RANBP2: variants seen among roughly 807,000 people sequenced by gnomAD.
RANBP2 encodes E3 SUMO-protein ligase RanBP2.
Under a neutral mutation model 303.6 loss-of-function variants are expected in RANBP2, and 57 were observed. The ratio of observed to expected loss-of-function variants is 0.19; its 90% confidence interval spans 0.15 to 0.23. The LOEUF (loss-of-function observed/expected upper bound fraction) is 0.23. Among genes scored for constraint, RANBP2 ranks in the 10% least tolerant of loss-of-function variants. RANBP2 has a pLI of 1.00. For missense variants in RANBP2, 3,138 were observed against 3,780.8 expected (o/e 0.83, Z 4.46); for synonymous variants, 1,167 against 1,301.5 (o/e 0.90, Z 2.23).
chr2:109,156,537 CT>C, the RANBP2 span, among the ~76,000 whole-genome samples: 1 of 152,010 alleles, frequency 6.6e-6, no homozygotes, highest in Non-Finnish European at 1.5e-5. Context: ...CCTTTACCTC[CT>C]GAGTTCAAGC....
At chr2:109,528,642 A>G in the RANBP2 span, among the ~76,000 whole-genome samples, 3 of 152,214 alleles carry the variant, frequency 2.0e-5, no homozygotes, top group African/African-American at 7.2e-5. Context: ...AGCCCAGAGA[A>G]CAGGAGGAAA....
the RANBP2 span, among the ~76,000 whole-genome samples, chr2:109,117,315 T>TAC: frequency 6.6e-6 from 1 of 152,236 alleles, no homozygotes; most frequent in Non-Finnish European, 1.5e-5. Context: ...CTGCTTGGTT[T>TAC]ACCTAAGCAA....
At chr2:109,663,819 G>A in the RANBP2 span, among the ~76,000 whole-genome samples, 19 of 152,162 alleles carry the variant, frequency 1.2e-4, no homozygotes, top group African/African-American at 4.3e-4. Context: ...GAATCCACAC[G>A]CCAGCAAAGA....
the RANBP2 span, among the ~76,000 whole-genome samples, chr2:109,039,470 C>T: frequency 6.6e-6 from 1 of 152,334 alleles, no homozygotes; most frequent in East Asian, 1.9e-4. Context: ...CCTGGCTCGG[C>T]CTCCCGAGTA....
chr2:109,429,851 T>C, the RANBP2 span, among the ~76,000 whole-genome samples: 6 of 152,076 alleles, frequency 3.9e-5, no homozygotes, highest in East Asian at 1.2e-3. Context: ...GGTTCCATGC[T>C]CCCAGGCCAC....
At chr2:109,069,396 A>T in the RANBP2 span, among the ~76,000 whole-genome samples, 1 of 152,264 alleles carries the variant, frequency 6.6e-6, no homozygotes, top group Non-Finnish European at 1.5e-5. Flanking sequence ...ATGTTGGCAG[A>T]CGTGTGTCTT....
At chr2:109,605,078 G>T in the RANBP2 span, 1 of 152,122 alleles carries the variant, frequency 6.6e-6, no homozygotes, top group African/African-American at 2.4e-5. Context: ...ACAAATATAC[G>T]TGGCCCAGTG....
At chr2:109,649,542 C>T in the RANBP2 span, among the ~76,000 whole-genome samples, 15 of 152,100 alleles carry the variant, frequency 9.9e-5, no homozygotes, top group Admixed American at 2.0e-4. Context: ...GGATTACAGG[C>T]GTTCACCACC....
the RANBP2 span, among the ~76,000 whole-genome samples, chr2:109,272,705 G>T: frequency 6.6e-6 from 1 of 152,252 alleles, no homozygotes; most frequent in Non-Finnish European, 1.5e-5. Flanking sequence ...GCTGGGCTGT[G>T]TGTGGTCAGC....
At chr2:109,614,305 CG>C in the RANBP2 span, 8 of 553,720 alleles carry the variant, frequency 1.4e-5, no homozygotes, top group Admixed American at 1.4e-4. Context: ...GGCGGGGGTG[CG>C]GGGGGCGTGT....
At chr2:109,069,688 A>G in the RANBP2 span, among the ~76,000 whole-genome samples, 25 of 152,366 alleles carry the variant, frequency 1.6e-4, no homozygotes, top group African/African-American at 6.0e-4. Flanking sequence ...TTGATAACAG[A>G]TGAATGTAAA....
chr2:109,526,126 C>G, the RANBP2 span, among the ~76,000 whole-genome samples: 3 of 152,066 alleles, frequency 2.0e-5, no homozygotes, highest in Admixed American at 6.6e-5. Context: ...AGACTAAGTT[C>G]CTTATGTCTT....
chr2:109,629,203 A>AAAGTAAAT, the RANBP2 span, among the ~76,000 whole-genome samples: 1 of 118,416 alleles, frequency 8.4e-6, no homozygotes, highest in Non-Finnish European at 1.7e-5. Flanking sequence ...CTCCGTCTCA[A>AAAGTAAAT]AAATAAATAA....
the RANBP2 span, among the ~76,000 whole-genome samples, chr2:108,835,891 C>G: frequency 2.0e-5 from 3 of 152,194 alleles, no homozygotes; most frequent in Non-Finnish European, 4.4e-5. Flanking sequence ...TAGGGGCTTT[C>G]TTGCTGCATC....
the RANBP2 span, chr2:109,490,665 C>G: frequency 6.6e-7 from 1 of 1,515,364 alleles, no homozygotes; most frequent in Non-Finnish European, 8.8e-7. Context: ...GAAGAAGTCA[C>G]GCTCCCCGCC....
the RANBP2 span, among the ~76,000 whole-genome samples, chr2:109,249,470 T>TTTCG: frequency 1.2e-4 from 2 of 16,074 alleles, no homozygotes; most frequent in African/African-American, 1.1e-3. Context: ...TCTCTTTCTC[T>TTTCG]TTCTTTCTTT....
the RANBP2 span, among the ~76,000 whole-genome samples, chr2:109,112,415 G>A: frequency 1.3e-5 from 2 of 152,074 alleles, no homozygotes; most frequent in Admixed American, 6.5e-5. Flanking sequence ...GTGTTTTTTG[G>A]CTGCATAAAT....
the RANBP2 span, among the ~76,000 whole-genome samples, chr2:109,431,910 C>T: frequency 4.6e-5 from 7 of 152,234 alleles, no homozygotes; most frequent in Admixed American, 3.9e-4. Flanking sequence ...AGCACAATTA[C>T]TGCAAGGAAG....
chr2:108,963,578 CA>C, the RANBP2 span, among the ~76,000 whole-genome samples: 1 of 152,086 alleles, frequency 6.6e-6, no homozygotes, highest in Non-Finnish European at 1.5e-5. Context: ...CAGGTGTGGA[CA>C]GCAATATAGT....
Sources: gnomAD v4.1 joint callset for allele counts (sites outside exome capture counted in the v4.1 genomes callset) on GRCh38, gnomAD v4.1.1 for gene constraint, MANE v1.5 for transcripts, NCBI Gene and HGNC (gene_info 2026-07-23, HGNC 2026-07-21) for gene names.